The following SDK2 variants were observed in gnomAD, a reference collection of about 807,000 sequenced individuals.
SDK2 encodes sidekick cell adhesion molecule 2.
SDK2 carries 105 observed loss-of-function variants against 253.9 expected under a neutral mutation model. The ratio of observed to expected loss-of-function variants is 0.41; its 90% confidence interval spans 0.35 to 0.49. The LOEUF is 0.49. SDK2 is among the 20% of genes least tolerant of loss of function. The probability of loss-of-function intolerance (pLI) is 0.06; values close to 1 mark genes in which losing one functional copy is unlikely to be tolerated. For synonymous variants in SDK2, 1,249 were observed against 1,234.9 expected (o/e 1.01, Z -0.24); for missense variants, 2,608 against 3,003.0 (o/e 0.87, Z 3.07).
In SDK2 at chr17:73,431,734, C is replaced by A; in HGVS notation, c.1313-65G>T. ...AAGGGCACACCCTGCCCTTCCCTGG[C>A]CGCTCCAGGGCAGCATGGTCCCCCC... On this transcript the variant is annotated intron_variant, in intron 10 of 44. Coordinates refer to ENST00000392650, the MANE Select transcript of SDK2 (RefSeq NM_001144952.2). The surrounding 1 kb of genome is among the most constrained non-coding windows in gnomAD (Gnocchi z 5.6). The A allele has an allele frequency of 4.1e-6, 6 of 1,472,888 alleles. No homozygotes were observed. The highest frequency in any genetic ancestry group is 5.4e-6 in the Non-Finnish European group (6 of 1,104,532). 91.2% of individuals were successfully genotyped at this position (1,472,888 alleles called of 1,614,324 possible).
rs968259462 is a variant in SDK2, at chr17:73,532,347, C to T, written c.65-24750G>A. 5.9e-5 allele frequency among the ~76,000 whole-genome samples: 9 copies of T among 152,300 alleles called. No individual in the cohort carries two copies. In the East Asian group the frequency reaches 1.6e-3, roughly 26 times the overall value. On this transcript the variant is annotated intron_variant, in intron 1 of 44. Coordinates refer to ENST00000392650, the MANE Select transcript of SDK2 (RefSeq NM_001144952.2). Reference sequence around the variant, plus strand: ...CCTTGACCCTGCCACGCAGTAGGCCCGCATCGTGTGTCTGCTGAGTGAACA... The same window carrying T: ...CCTTGACCCTGCCACGCAGTAGGCCTGCATCGTGTGTCTGCTGAGTGAACA...
At chr17:73,523,399 T>C (rs1029141058) in intron 1 of SDK2, among the ~76,000 whole-genome samples, 25 of 151,896 alleles carry the variant, frequency 1.6e-4, no homozygotes, top group Non-Finnish European at 3.7e-4. Context: ...TGGATACCCG[T>C]GGTTGTGATC....
chr17:73,384,429 G>A (rs1016889970), intron 32 of SDK2, among the ~76,000 whole-genome samples: 4 of 152,122 alleles, frequency 2.6e-5, no homozygotes, highest in Non-Finnish European at 5.9e-5. Context: ...TTAGCATCTG[G>A]ATAACACTTC....
intron 1 of SDK2, among the ~76,000 whole-genome samples, chr17:73,588,558 T>C (rs1030837826): frequency 2.6e-4 from 40 of 152,166 alleles, no homozygotes; most frequent in Middle Eastern, 3.4e-3. Flanking sequence ...AGGCTGCTGG[T>C]TCTCATCAGG....
chr17:73,399,233 T>C lies in SDK2; in HGVS notation c.3028A>G (p.Thr1010Ala). 6.2e-7 allele frequency: 1 copy of C among 1,613,794 alleles called. No homozygotes were observed. Among genetic ancestry groups the C allele is most frequent in the Non-Finnish European group, 8.5e-7 (1 of 1,179,822 alleles). ...GISNIGPRSV[T>A]LQFRPGYDGK... ...TCGTAGCCTGGCCTGAACTGCAAGGTCACAGAGCGGGGGCCGATGTTGGAA... is the reference window on the plus strand; with the variant it reads ...TCGTAGCCTGGCCTGAACTGCAAGGCCACAGAGCGGGGGCCGATGTTGGAA... The change falls in exon 22 of 45, where the codon ACC becomes GCC. Residue 1010 changes from threonine (T) to alanine (A), a missense_variant. Thr to Ala is a moderately conservative substitution (Grantham distance 58). This residue lies in a region of SDK2 where 1,505 missense variants were observed against 1,859.1 expected (regional missense o/e 0.81). Coordinates refer to ENST00000392650, the MANE Select transcript of SDK2 (RefSeq NM_001144952.2).
chr17:73,591,579 C>A (rs1357679538), intron 1 of SDK2, among the ~76,000 whole-genome samples: 1 of 152,110 alleles, frequency 6.6e-6, no homozygotes, highest in East Asian at 1.9e-4. Context: ...AGAATACTCT[C>A]GCAAATTGGG....
At position 73,350,258 on chromosome 17, in the gene SDK2, C is replaced by T. The variant is rs762340608; in HGVS notation, c.6017G>A (p.Arg2006Gln). 1.8e-5 allele frequency: 29 copies of T among 1,601,696 alleles called. No individual in the cohort carries two copies. Among genetic ancestry groups the T allele is most frequent in the East Asian group, 4.5e-5 (2 of 44,500 alleles). ...RRLSVKNSFC[R>Q]KNGLYTRSPP... ...GTACCTGGTGTACAGGCCGTTCTTT[C>T]GGCAGAAAGAGTTCTTGACGGAGAG... Residue 2006 changes from arginine (R) to glutamine (Q), a missense_variant, in exon 43 of 45, where the codon CGA becomes CAA. By Grantham distance (43) the Arg-to-Gln change is conservative. Around this residue, in one of 2 missense-constraint regions of SDK2, gnomAD observed 1,103 missense variants for 1,143.9 expected, o/e 0.96. Coordinates refer to ENST00000392650, the MANE Select transcript of SDK2 (RefSeq NM_001144952.2).
chr17:73,395,046 GC>G lies in SDK2; in HGVS notation c.3592+108del. 1 of 787,834 alleles carries G rather than the reference GC, an allele frequency of 1.3e-6. No individual in the cohort carries two copies. The allele number at this position is 787,834 out of a possible 1,614,324, so 48.8% of individuals were successfully genotyped here. A position where few individuals can be genotyped will look rare whatever the true frequency, so the allele number is the denominator to read the frequency against. On this transcript the variant is annotated intron_variant, in intron 25 of 44. Transcript: ENST00000392650. The surrounding 1 kb of genome is among the most constrained non-coding windows in gnomAD (Gnocchi z 4.3). ...GCATAAGCAGAGGAAATGAGCTCAGGCTGTTTTTGAACAACACCTTCAGCCT... is the reference window on the plus strand; with the variant it reads ...GCATAAGCAGAGGAAATGAGCTCAGGTGTTTTTGAACAACACCTTCAGCCT...
intron 1 of SDK2, among the ~76,000 whole-genome samples, chr17:73,584,889 G>A (rs937640910): frequency 1.3e-5 from 2 of 152,228 alleles, no homozygotes; most frequent in African/African-American, 4.8e-5. Context: ...ACAGGAAGAC[G>A]CTCAGGTCGA....
chr17:73,461,267 C>T (rs2063560716), intron 3 of SDK2, among the ~76,000 whole-genome samples: 2 of 152,238 alleles, frequency 1.3e-5, no homozygotes, highest in East Asian at 1.9e-4. Context: ...CTACTGTGGG[C>T]CAGGTAGGCT....
intron 1 of SDK2, among the ~76,000 whole-genome samples, chr17:73,607,322 A>G (rs1353006877): frequency 6.6e-6 from 1 of 152,188 alleles, no homozygotes; most frequent in Non-Finnish European, 1.5e-5. Flanking sequence ...TGCGATTGGC[A>G]CATATCTTAG....
At chr17:73,472,761 G>A (rs976291944) in intron 2 of SDK2, among the ~76,000 whole-genome samples, 4 of 152,208 alleles carry the variant, frequency 2.6e-5, no homozygotes, top group African/African-American at 9.6e-5. Context: ...TGTTGTGGGA[G>A]GAACCAGGTG....
At chr17:73,631,567 T>A (rs576140789) in intron 1 of SDK2, among the ~76,000 whole-genome samples, 49 of 152,182 alleles carry the variant, frequency 3.2e-4, no homozygotes, top group Admixed American at 3.0e-3. Flanking sequence ...GGTGAGCAGG[T>A]GGGCTGCCAG....
intron 1 of SDK2, among the ~76,000 whole-genome samples, chr17:73,634,859 CAACT>C (rs1468807380): frequency 1.3e-5 from 2 of 152,178 alleles, no homozygotes; most frequent in East Asian, 3.8e-4. Flanking sequence ...TGTCACAACC[CAACT>C]GTTATCCTCG....
chr17:73,560,184 G>A (rs147733091), intron 1 of SDK2, among the ~76,000 whole-genome samples: 7 of 152,306 alleles, frequency 4.6e-5, no homozygotes, highest in African/African-American at 1.7e-4. Flanking sequence ...GTCACTCCTA[G>A]TGCCACCACC....
At chr17:73,475,787 C>A (rs140357108) in intron 2 of SDK2, among the ~76,000 whole-genome samples, 1 of 152,198 alleles carries the variant, frequency 6.6e-6, no homozygotes, top group Non-Finnish European at 1.5e-5. Flanking sequence ...ATATTCTTAT[C>A]GGTTGCTGTT....
At chr17:73,532,402 A>G (rs889011530) in intron 1 of SDK2, among the ~76,000 whole-genome samples, 6 of 152,190 alleles carry the variant, frequency 3.9e-5, no homozygotes, top group African/African-American at 1.4e-4. Flanking sequence ...GCCTAGAGTG[A>G]AATTGGATCA....
intron 4 of SDK2, among the ~76,000 whole-genome samples, chr17:73,451,869 C>A (rs529777422): frequency 2.1e-4 from 32 of 152,272 alleles, no homozygotes; most frequent in African/African-American, 7.5e-4. Flanking sequence ...ACCCCAGAGG[C>A]AACCCAGATG....
chr17:73,386,392 C>G, intron 31 of SDK2, 53 bp downstream of exon 31: 1 of 1,311,490 alleles, frequency 7.6e-7, no homozygotes, highest in Non-Finnish European at 1.1e-6. Flanking sequence ...TGCCCCATGC[C>G]CAGGAAGCAG....
Sources: gnomAD v4.1 joint callset for allele counts (sites outside exome capture counted in the v4.1 genomes callset) on GRCh38, gnomAD v4.1.1 for gene constraint, gnomAD v4.1.1 regional missense constraint, Gnocchi (gnomAD v3.1) non-coding constraint, MANE v1.5 for transcripts, NCBI Gene and HGNC (gene_info 2026-07-23, HGNC 2026-07-21) for gene names.